Variants in DRD2 observed in about 807,000 individuals in gnomAD.
DRD2 encodes D(2) dopamine receptor.
DRD2 carries 8 observed loss-of-function variants against 38.0 expected under a neutral mutation model. The ratio of observed to expected loss-of-function variants is 0.21; its 90% CI spans 0.12 to 0.38. The LOEUF (loss-of-function observed/expected upper bound fraction) is 0.38. Among genes scored for constraint, DRD2 ranks in the 10% least tolerant of loss-of-function variants. The pLI, the probability that DRD2 is intolerant of heterozygous loss-of-function variation, is 1.00. For synonymous variants in DRD2, 230 were observed against 238.6 expected, an observed-to-expected ratio of 0.96 and a Z score of 0.33; for missense variants, 403 against 607.7, an observed-to-expected ratio of 0.66 and a Z score of 3.54.
intron 1 of DRD2, among the ~76,000 whole-genome samples, chr11:113,464,181 T>G (rs1188392968): frequency 6.6e-6 from 1 of 152,174 alleles, no homozygotes; most frequent in Non-Finnish European, 1.5e-5. Context: ...ATGGGTTCCA[T>G]GAGCCACGGA....
chr11:113,412,467 A>G, intron 7 of DRD2, 89 bp downstream of exon 7: 8 of 1,521,190 alleles, frequency 5.3e-6, no homozygotes, highest in South Asian at 1.2e-5. Flanking sequence ...TGCTAGCCCC[A>G]TGATCCTGCA....
At chr11:113,457,580 C>T (rs1000275641) in intron 1 of DRD2, among the ~76,000 whole-genome samples, 7 of 152,120 alleles carry the variant, frequency 4.6e-5, no homozygotes, top group South Asian at 4.2e-4. Context: ...TTACCACCCC[C>T]CCGACCCCCC....
At chr11:113,470,198 T>A (rs115556303) in intron 1 of DRD2, among the ~76,000 whole-genome samples, 223 of 152,316 alleles carry the variant, frequency 1.5e-3, no homozygotes, top group African/African-American at 5.2e-3. Flanking sequence ...TCATTTCTAA[T>A]GTCTTTCTCC....
intron 1 of DRD2, among the ~76,000 whole-genome samples, chr11:113,430,188 A>G (rs1950973694): frequency 6.6e-6 from 1 of 152,172 alleles, no homozygotes; most frequent in Non-Finnish European, 1.5e-5. Context: ...GAAAAGACAA[A>G]GCCTGTCCCT....
intron 1 of DRD2, among the ~76,000 whole-genome samples, chr11:113,431,690 C>G (rs969392369): frequency 1.3e-5 from 2 of 152,208 alleles, no homozygotes; most frequent in African/African-American, 4.8e-5. Context: ...CTTCCCCAAT[C>G]AGAGGTCTAG....
intron 1 of DRD2, among the ~76,000 whole-genome samples, chr11:113,448,303 C>T (rs1403554459): frequency 1.3e-5 from 2 of 152,202 alleles, no homozygotes; most frequent in Non-Finnish European, 2.9e-5. Context: ...GGGGCAGCCG[C>T]TCCTTGGAAG....
At chr11:113,455,788 A>G (rs1951263389) in intron 1 of DRD2, among the ~76,000 whole-genome samples, 1 of 152,256 alleles carries the variant, frequency 6.6e-6, no homozygotes, top group South Asian at 2.1e-4. Context: ...GGTAGACCAC[A>G]AATGGTAACA....
At chr11:113,420,426 T>C (rs1234362551) in intron 2 of DRD2, among the ~76,000 whole-genome samples, 1 of 152,204 alleles carries the variant, frequency 6.6e-6, no homozygotes, top group Non-Finnish European at 1.5e-5. Flanking sequence ...GGAGAGTAGT[T>C]AGGGCTGCTA....
At chr11:113,413,952 G>A (rs1423115913) in intron 6 of DRD2, 3 of 329,736 alleles carry the variant, frequency 9.1e-6, no homozygotes, top group East Asian at 1.6e-4. Flanking sequence ...CACAGGTCTG[G>A]GCTTAGTGTC....
intron 1 of DRD2, among the ~76,000 whole-genome samples, chr11:113,460,560 C>T (rs572779123): frequency 5.2e-5 from 8 of 152,384 alleles, no homozygotes; most frequent in Admixed American, 3.3e-4. Flanking sequence ...GGGCCCTCTG[C>T]CCTGGCCCCT....
intron 1 of DRD2, among the ~76,000 whole-genome samples, chr11:113,452,358 G>A (rs1195228801): frequency 6.6e-6 from 1 of 152,012 alleles, no homozygotes; most frequent in Non-Finnish European, 1.5e-5. Context: ...GTTTCCAGAA[G>A]ATGGGGAAAG....
At chr11:113,419,590 G>C (rs1437911035) in intron 2 of DRD2, among the ~76,000 whole-genome samples, 1 of 151,472 alleles carries the variant, frequency 6.6e-6, no homozygotes, top group Non-Finnish European at 1.5e-5. Flanking sequence ...TGGAAGCTTG[G>C]AGCAGCCCCA....
rs775303385 is a variant in DRD2 at position 113,410,916 on chromosome 11, C to T, written c.1143G>A (p.Val381=). The change falls in exon 8 of 8, where the codon GTG becomes GTA. Residue 381 remains valine (V), a synonymous_variant. Coordinates refer to ENST00000362072, the MANE Select transcript of DRD2 (RefSeq NM_000795.4). The stretch of plus-strand genomic sequence containing the variant: ...AGAAGGGCAGCCAGCAGATGATGAA[C>T]ACGCCTGGGGGAGAGGGCATGGTCA... The part of the protein sequence containing the change: ...ATQMLAIVLG[V]FIICWLPFFI... 1.7e-5 allele frequency: 27 copies of T among 1,610,022 alleles called. No homozygotes were observed. In the Admixed American group the frequency reaches 4.5e-4, roughly 27 times the overall value.
chr11:113,441,041 CAG>C (rs1951086345), intron 1 of DRD2, among the ~76,000 whole-genome samples: 2 of 152,210 alleles, frequency 1.3e-5, no homozygotes, highest in Admixed American at 1.3e-4. Context: ...CACAGGTTGA[CAG>C]AGAGAGCTTT....
rs117627552 is a variant in DRD2, at chr11:113,472,572, C to T, written c.-32+2504G>A. On this transcript the variant is annotated intron_variant, in intron 1 of 7. Coordinates refer to ENST00000362072, the MANE Select transcript of DRD2 (RefSeq NM_000795.4). The stretch of plus-strand genomic sequence containing the variant: ...ACTAGCCCACAAGCATCATTACTAG[C>T]CTTTTTACCCCTACAAGCCTCCTTG... Among the ~76,000 whole-genome samples the T allele has an allele frequency of 5.9e-5, 9 of 152,316 alleles. No homozygotes were observed. The East Asian group carries it at 1.7e-3, about 29-fold the overall frequency.
intron 6 of DRD2, 122 bp from the exon 7 acceptor site, chr11:113,413,005 G>A (rs1437658054): frequency 1.8e-6 from 2 of 1,124,478 alleles, no homozygotes; most frequent in Non-Finnish European, 2.5e-6. Context: ...GGGTCACCCT[G>A]CCAGGGAGGC....
At chr11:113,466,694 C>T (rs1003105674) in intron 1 of DRD2, among the ~76,000 whole-genome samples, 9 of 152,266 alleles carry the variant, frequency 5.9e-5, no homozygotes, top group South Asian at 2.1e-4. Flanking sequence ...GGGAGAGTGT[C>T]GCTATGGGGA....
chr11:113,422,105 G>A (rs1008036695), intron 2 of DRD2, among the ~76,000 whole-genome samples: 4 of 152,122 alleles, frequency 2.6e-5, no homozygotes, highest in Non-Finnish European at 4.4e-5. Context: ...CCAGAGCCCT[G>A]GGTAGAACAC....
At chr11:113,467,244 C>T (rs1440685219) in intron 1 of DRD2, among the ~76,000 whole-genome samples, 1 of 152,178 alleles carries the variant, frequency 6.6e-6, no homozygotes, top group Non-Finnish European at 1.5e-5. Context: ...AATATTCTAC[C>T]ATAGCTAAAT....
Sources: gnomAD v4.1 joint callset for allele counts (sites outside exome capture counted in the v4.1 genomes callset) on GRCh38, gnomAD v4.1.1 for gene constraint, MANE v1.5 for transcripts, NCBI Gene and HGNC (gene_info 2026-07-23, HGNC 2026-07-21) for gene names.